Variants in MCUB observed in about 807,000 individuals in gnomAD.
MCUB encodes the protein mitochondrial calcium uniporter dominant negative subunit beta, also known as calcium uniporter regulatory subunit MCUb, mitochondrial.
A neutral mutation model predicts 41.4 loss-of-function variants in MCUB; 46 were observed. That is an observed-to-expected ratio of 1.11 (90% CI 0.88 to 1.42). The LOEUF is 1.42. Among genes scored for constraint, MCUB ranks in the 40% most tolerant of loss-of-function variants. The pLI is 0.00. For synonymous variants in MCUB, 148 were observed against 148.2 expected, an observed-to-expected ratio of 1.00 and a Z score of 0.01; for missense variants, 403 against 404.9, an observed-to-expected ratio of 1.00 and a Z score of 0.04.
At chr4:109,613,853 C>CTG (rs10637587) in intron 1 of MCUB, among the ~76,000 whole-genome samples, 2 of 151,810 alleles carry the variant, frequency 1.3e-5, no homozygotes, top group Admixed American at 6.6e-5. Flanking sequence ...GGTATATACT[C>CTG]TCCATTTTCC....
intron 1 of MCUB, among the ~76,000 whole-genome samples, chr4:109,583,061 C>A (rs1470634797): frequency 6.6e-6 from 1 of 152,020 alleles, no homozygotes; most frequent in Non-Finnish European, 1.5e-5. Flanking sequence ...TTTTTGGTTC[C>A]ATATGAACTT....
chr4:109,595,371 T>TA (rs994610276), intron 1 of MCUB, among the ~76,000 whole-genome samples: 1 of 152,064 alleles, frequency 6.6e-6, no homozygotes, highest in Non-Finnish European at 1.5e-5. Context: ...GTGGTGGCTG[T>TA]AAAAAAATGA....
At chr4:109,602,807 A>G (rs1727772898) in intron 1 of MCUB, among the ~76,000 whole-genome samples, 1 of 152,196 alleles carries the variant, frequency 6.6e-6, no homozygotes, top group Non-Finnish European at 1.5e-5. Flanking sequence ...AAGTATGGAC[A>G]TTTTAACAAT....
At chr4:109,640,559 T>C (rs192262342) in intron 1 of MCUB, among the ~76,000 whole-genome samples, 264 of 152,376 alleles carry the variant, frequency 1.7e-3, no homozygotes, top group African/African-American at 6.2e-3. Flanking sequence ...CTTGCACTTT[T>C]ATGTTATAGA....
intron 1 of MCUB, among the ~76,000 whole-genome samples, chr4:109,653,808 C>A (rs1308452891): frequency 1.3e-5 from 2 of 152,194 alleles, no homozygotes; most frequent in Non-Finnish European, 2.9e-5. Flanking sequence ...CTCCTGACAT[C>A]AGGTGATCCA....
At chr4:109,592,586 C>A (rs892266475) in intron 1 of MCUB, among the ~76,000 whole-genome samples, 2 of 152,072 alleles carry the variant, frequency 1.3e-5, no homozygotes, top group East Asian at 1.9e-4. Flanking sequence ...ACAGGAGGAA[C>A]CTGTCAGCCA....
chr4:109,681,597 G>C, intron 4 of MCUB: 1 of 307,724 alleles, frequency 3.2e-6, no homozygotes, highest in South Asian at 2.6e-5. Context: ...ATTAGAAGTC[G>C]TGGGTCACGG....
chr4:109,638,455 A>C (rs2126139737), intron 1 of MCUB, among the ~76,000 whole-genome samples: 1 of 150,766 alleles, frequency 6.6e-6, no homozygotes, highest in Admixed American at 6.6e-5. Context: ...CTTTATTGCT[A>C]AAAATGCTAG....
intron 1 of MCUB, among the ~76,000 whole-genome samples, chr4:109,626,962 CA>C (rs1196231171): frequency 1.3e-5 from 2 of 151,434 alleles, no homozygotes; most frequent in Non-Finnish European, 2.9e-5. Context: ...TAGGACAAAA[CA>C]AATTTTATTT....
At chr4:109,669,251 C>A (rs1293029460) in intron 4 of MCUB, among the ~76,000 whole-genome samples, 1 of 152,024 alleles carries the variant, frequency 6.6e-6, no homozygotes, top group Non-Finnish European at 1.5e-5. Flanking sequence ...TTGAAAATAT[C>A]TTTGTTTCTC....
At chr4:109,648,126 C>A (rs920315096) in intron 1 of MCUB, among the ~76,000 whole-genome samples, 1 of 152,070 alleles carries the variant, frequency 6.6e-6, no homozygotes, top group African/African-American at 2.4e-5. Context: ...TTCTAACAGA[C>A]GACAGTAGGA....
At chr4:109,670,442 G>C (rs1178436885) in intron 4 of MCUB, among the ~76,000 whole-genome samples, 2 of 152,178 alleles carry the variant, frequency 1.3e-5, no homozygotes, top group Admixed American at 1.3e-4. Flanking sequence ...ATTTGGCCAG[G>C]CGCAGTGGTT....
At chr4:109,599,101 A>C (rs895541483) in intron 1 of MCUB, among the ~76,000 whole-genome samples, 1 of 152,230 alleles carries the variant, frequency 6.6e-6, no homozygotes, top group African/African-American at 2.4e-5. Context: ...CTTCTCAACA[A>C]TGGATATTTA....
chr4:109,678,420 C>T (rs1205205417), intron 4 of MCUB, among the ~76,000 whole-genome samples: 1 of 149,764 alleles, frequency 6.7e-6, no homozygotes, highest in African/African-American at 2.5e-5. Context: ...CAGAGGCGCT[C>T]CTCACTTCCC....
At chr4:109,673,942 A>G (rs1729515366) in intron 4 of MCUB, 1 of 794,562 alleles carries the variant, frequency 1.3e-6, no homozygotes, top group African/African-American at 1.7e-5. Flanking sequence ...ACCCATTGGA[A>G]TAGCAGGTTT....
intron 1 of MCUB, among the ~76,000 whole-genome samples, chr4:109,569,497 CTT>C (rs35808519): frequency 0.086 from 7,438 of 86,168 alleles, 76 homozygotes; most frequent in African/African-American, 0.13. Context: ...TTGGCTATCC[CTT>C]TTTTTTTTTT....
intron 1 of MCUB, among the ~76,000 whole-genome samples, chr4:109,631,198 A>G (rs576090858): frequency 2.6e-4 from 40 of 152,330 alleles, no homozygotes; most frequent in Admixed American, 4.6e-4. Context: ...CTGAGTATGC[A>G]CACAATCTGT....
At chr4:109,612,415 T>A (rs59195946) in intron 1 of MCUB, among the ~76,000 whole-genome samples, 7,157 of 152,038 alleles carry the variant, frequency 0.047, 452 homozygotes, top group African/African-American at 0.14. Context: ...TACAGGCACC[T>A]GCCATCATGC....
In MCUB at chr4:109,560,294, T is replaced by G; in HGVS notation, c.-44T>G. 9.9e-7 allele frequency: 1 copy of G among 1,006,348 alleles called. No homozygotes were observed. The highest frequency in any genetic ancestry group is 1.3e-6 in the Non-Finnish European group (1 of 779,878). 62.3% of individuals were successfully genotyped at this position (1,006,348 alleles called of 1,614,324 possible). A position where few individuals can be genotyped will look rare whatever the true frequency, so the allele number is the denominator to read the frequency against. The stretch of plus-strand genomic sequence containing the variant: ...GACGAGGAGCCCGGCTGAGGGAGGA[T>G]GCGCCGCTGACGCCTGCGGGAGCCG... On this transcript the variant is annotated 5_prime_UTR_variant, in exon 1 of 8. It removes an upstream start codon present in the reference 5' UTR. Transcript: ENST00000394650.
Sources: gnomAD v4.1 joint callset for allele counts (sites outside exome capture counted in the v4.1 genomes callset) on GRCh38, gnomAD v4.1.1 for gene constraint, MANE v1.5 for transcripts, NCBI Gene and HGNC (gene_info 2026-07-23, HGNC 2026-07-21) for gene names.